CNTN4: variants seen among roughly 807,000 people sequenced by gnomAD.
CNTN4 encodes contactin-4.
CNTN4 carries 77 observed loss-of-function variants against 122.5 expected under a neutral mutation model. The observed-to-expected ratio is 0.63, with a 90% CI of 0.52 to 0.76. CNTN4 has a LOEUF of 0.76. Among genes scored for constraint, CNTN4 ranks in the 30% least tolerant of loss-of-function variants. The pLI is 0.00. For missense variants in CNTN4, 1,256 were observed against 1,259.1 expected (o/e 1.00, Z 0.04); for synonymous variants, 512 against 447.0 (o/e 1.15, Z -1.83).
intron 4 of CNTN4, among the ~76,000 whole-genome samples, chr3:2,722,135 C>A (rs574778139): frequency 6.6e-6 from 1 of 152,176 alleles, no homozygotes; most frequent in Non-Finnish European, 1.5e-5. Flanking sequence ...CAGACTAAGA[C>A]GCTATTTAAA....
Position 3,003,704 on chromosome 3 carries a change from A to AAC in CNTN4, c.1486+15233_1486+15234insCA, listed in dbSNP as rs1553722329. ...TGCACCAAAAAAAAAAAAAAAAAAA[A>AAC]AAAAAAAAAACAAAAAAACCCCACT... On this transcript the variant is annotated intron_variant, in intron 14 of 24. Transcript: ENST00000418658. Among the ~76,000 whole-genome samples the AAC allele has an allele frequency of 4.5e-3, 637 of 140,060 alleles. 3 individuals carry two copies. Among genetic ancestry groups the AAC allele is most frequent in the East Asian group, 0.01 (50 of 4,960 alleles). 91.9% of individuals were successfully genotyped at this position (140,060 alleles called of 152,430 possible). A position where few individuals can be genotyped will look rare whatever the true frequency, so the allele number is the denominator to read the frequency against.
At chr3:2,139,522 TATAAC>T (rs1337945032) in intron 2 of CNTN4, among the ~76,000 whole-genome samples, 1 of 152,158 alleles carries the variant, frequency 6.6e-6, no homozygotes, top group Non-Finnish European at 1.5e-5. Flanking sequence ...TTTGCAAAGA[TATAAC>T]ATAATGAAAA....
rs111971496 is a variant in CNTN4 at position 2,405,061 on chromosome 3, C to A, written c.-89+65828C>A. The stretch of plus-strand genomic sequence containing the variant: ...TTTTAACATAATAAAAGATAACAAG[C>A]CCTTATTTTATTCTTTCTGTTTTAA... On this transcript the variant is annotated intron_variant, in intron 3 of 24. Transcript: ENST00000418658. Among the ~76,000 whole-genome samples, 1,044 of 152,128 alleles carry A rather than the reference C, an allele frequency of 6.9e-3. 19 individuals carry two copies. The highest frequency in any genetic ancestry group is 0.061 in the South Asian group (294 of 4,814).
chr3:2,984,108 C>T (rs1488597892), intron 13 of CNTN4, among the ~76,000 whole-genome samples: 1 of 151,954 alleles, frequency 6.6e-6, no homozygotes, highest in African/African-American at 2.4e-5. Context: ...TTCACAAGGC[C>T]CATAGGAAAT....
At chr3:2,533,113 G>T (rs1487946353) in intron 3 of CNTN4, among the ~76,000 whole-genome samples, 1 of 151,388 alleles carries the variant, frequency 6.6e-6, no homozygotes, top group Non-Finnish European at 1.5e-5. Flanking sequence ...GGAAAATGTA[G>T]AAGACAGATT....
intron 10 of CNTN4, among the ~76,000 whole-genome samples, chr3:2,889,790 T>C (rs1168084455): frequency 1.3e-5 from 2 of 152,196 alleles, no homozygotes; most frequent in East Asian, 1.9e-4. Context: ...TAAACTGGTA[T>C]GAAATTTTCT....
chr3:2,733,533 T>TC (rs2149474580), intron 4 of CNTN4, among the ~76,000 whole-genome samples: 1 of 87,716 alleles, frequency 1.1e-5, no homozygotes, highest in East Asian at 2.3e-4. Context: ...CATGTTTGTG[T>TC]TTTTTTTTTT....
At position 2,149,846 on chromosome 3, in the gene CNTN4, C is replaced by G. The variant is rs73095813; in HGVS notation, c.-145+49207C>G. Among the ~76,000 whole-genome samples the G allele has an allele frequency of 2.1e-3, 322 of 152,144 alleles. 3 individuals carry two copies. Among genetic ancestry groups the G allele is most frequent in the African/African-American group, 7.2e-3 (297 of 41,520 alleles). On this transcript the variant is annotated intron_variant, in intron 2 of 24. Transcript: ENST00000418658. The stretch of plus-strand genomic sequence containing the variant: ...GTTGTGTAGTTGACTTGTGTATTTT[C>G]ACTTCCTCATACTGACAACATAACC...
chr3:2,448,601 T>TC (rs748991149), intron 3 of CNTN4, among the ~76,000 whole-genome samples: 12 of 152,174 alleles, frequency 7.9e-5, no homozygotes, highest in Non-Finnish European at 1.5e-4. Context: ...TATTAACAGC[T>TC]CCCTTTTCTG....
intron 2 of CNTN4, among the ~76,000 whole-genome samples, chr3:2,254,736 TG>T (rs778434458): frequency 6.6e-6 from 1 of 152,224 alleles, no homozygotes; most frequent in Non-Finnish European, 1.5e-5. Flanking sequence ...TTGATGGGGT[TG>T]TTTTTTTCTT....
intron 2 of CNTN4, among the ~76,000 whole-genome samples, chr3:2,205,992 G>A (rs1182556261): frequency 1.3e-5 from 2 of 152,010 alleles, no homozygotes; most frequent in Non-Finnish European, 2.9e-5. Context: ...GCAAATACTC[G>A]GAAGGGTATT....
intron 13 of CNTN4, among the ~76,000 whole-genome samples, chr3:2,938,077 C>T (rs1375916777): frequency 2.0e-5 from 3 of 152,126 alleles, no homozygotes; most frequent in Non-Finnish European, 4.4e-5. Context: ...GCCAGAAACA[C>T]GGTGAGTCAG....
chr3:2,124,100 C>G (rs2033974435), intron 2 of CNTN4, among the ~76,000 whole-genome samples: 1 of 152,140 alleles, frequency 6.6e-6, no homozygotes, highest in Non-Finnish European at 1.5e-5. Flanking sequence ...AAAAAAATCA[C>G]TTACAATAGA....
intron 2 of CNTN4, among the ~76,000 whole-genome samples, chr3:2,294,066 C>T (rs374760609): frequency 6.6e-6 from 1 of 152,180 alleles, no homozygotes; most frequent in Non-Finnish European, 1.5e-5. Flanking sequence ...AGCCAGCTTT[C>T]CCTAGCTTGT....
chr3:2,370,769 G>C (rs1472465416), intron 3 of CNTN4, among the ~76,000 whole-genome samples: 1 of 152,064 alleles, frequency 6.6e-6, no homozygotes, highest in Non-Finnish European at 1.5e-5. Context: ...TATAATTTTA[G>C]AGATTTATCC....
At chr3:2,301,764 G>A (rs1178495) in intron 2 of CNTN4, among the ~76,000 whole-genome samples, 38,236 of 152,078 alleles carry the variant, frequency 0.25, 5,139 homozygotes, top group East Asian at 0.48. Context: ...ACTTCAGACC[G>A]AATCCACTTC....
chr3:2,554,362 C>G (rs2078634116), intron 3 of CNTN4, among the ~76,000 whole-genome samples: 3 of 152,062 alleles, frequency 2.0e-5, no homozygotes, highest in South Asian at 2.1e-4. Flanking sequence ...CCCAAACATA[C>G]TTTGCTTAGT....
chr3:2,430,206 G>A (rs1261034755), intron 3 of CNTN4, among the ~76,000 whole-genome samples: 2 of 151,852 alleles, frequency 1.3e-5, no homozygotes, highest in Non-Finnish European at 2.9e-5. Flanking sequence ...GGTGGATCAC[G>A]AGGTCAGGAG....
rs879705802 is a variant in CNTN4 at position 3,037,422 on chromosome 3, GGCTCTGT to G, written c.2092+96_2092+102del. Reference sequence around the variant, plus strand: ...TCTTGCTGCTCTTCAGCGCTCATGCGGCTCTGTGTTAGCTCACCCTTCCCTTTAAATG... The same window carrying G: ...TCTTGCTGCTCTTCAGCGCTCATGCGGTTAGCTCACCCTTCCCTTTAAATG... On this transcript the variant is annotated intron_variant, in intron 18 of 24. Coordinates refer to ENST00000418658, the MANE Select transcript of CNTN4 (RefSeq NM_175607.3). 114 of 1,531,114 alleles carry G rather than the reference GGCTCTGT, an allele frequency of 7.4e-5. 1 individual carries two copies. The South Asian group carries it at 7.5e-4, about 10-fold the overall frequency. The allele number at this position is 1,531,114 out of a possible 1,614,324, so 94.8% of individuals were successfully genotyped here.
Sources: allele counts gnomAD v4.1 joint callset (sites outside exome capture counted in the v4.1 genomes callset), GRCh38; gene constraint gnomAD v4.1.1; transcripts MANE v1.5; gene names NCBI Gene and HGNC (gene_info 2026-07-23, HGNC 2026-07-21).